Variants in EYS observed in about 807,000 individuals in gnomAD.
EYS encodes the protein EGF-like photoreceptor maintenance factor, also known as protein eyes shut homolog.
Under a neutral mutation model 282.1 loss-of-function variants are expected in EYS, and 250 were observed. The ratio of observed to expected loss-of-function variants is 0.89; its 90% CI spans 0.80 to 0.98. The LOEUF (loss-of-function observed/expected upper bound fraction) is 0.98. Among genes scored for constraint, EYS ranks in the 50% least tolerant of loss-of-function variants. The probability of loss-of-function intolerance (pLI) is 0.00; values close to 1 mark genes in which losing one functional copy is unlikely to be tolerated. For synonymous variants in EYS, 1,355 were observed against 1,282.9 expected, an observed-to-expected ratio of 1.06 and a Z score of -1.20; for missense variants, 4,016 against 3,709.0, an observed-to-expected ratio of 1.08 and a Z score of -2.15.
chr6:65,313,983 A>G (rs1043629702), intron 11 of EYS, among the ~76,000 whole-genome samples: 1 of 152,122 alleles, frequency 6.6e-6, no homozygotes, highest in African/African-American at 2.4e-5. Flanking sequence ...CTAAAATTTT[A>G]TCCACCACCC....
chr6:64,583,303 A>C (rs1766133232), intron 26 of EYS, among the ~76,000 whole-genome samples: 2 of 151,904 alleles, frequency 1.3e-5, no homozygotes, highest in South Asian at 4.1e-4. Context: ...AACATTATTC[A>C]AAAAAAACCC....
chr6:63,930,885 C>T (rs1210913074), intron 35 of EYS, among the ~76,000 whole-genome samples: 1 of 152,120 alleles, frequency 6.6e-6, no homozygotes, highest in South Asian at 2.1e-4. Flanking sequence ...TTGATTGAAC[C>T]CATAAACACC....
intron 2 of EYS, among the ~76,000 whole-genome samples, chr6:65,533,217 A>G (rs1320744205): frequency 1.3e-5 from 2 of 152,162 alleles, no homozygotes; most frequent in African/African-American, 4.8e-5. Flanking sequence ...TTATGGAAAT[A>G]AACTAGAAAA....
chr6:65,201,627 T>C (rs1327688893), intron 12 of EYS, among the ~76,000 whole-genome samples: 4 of 152,294 alleles, frequency 2.6e-5, no homozygotes, highest in Admixed American at 2.0e-4. Flanking sequence ...GTTCATTTAG[T>C]GTGAGCTATC....
chr6:64,521,719 A>T (rs971538870), intron 26 of EYS, among the ~76,000 whole-genome samples: 1 of 151,726 alleles, frequency 6.6e-6, no homozygotes, highest in Non-Finnish European at 1.5e-5. Flanking sequence ...GGCACTTCTT[A>T]TTTTGTCCCT....
intron 35 of EYS, among the ~76,000 whole-genome samples, chr6:63,963,983 T>C (rs970704147): frequency 4.6e-5 from 7 of 152,216 alleles, no homozygotes; most frequent in Non-Finnish European, 7.3e-5. Flanking sequence ...TTAATGTTTT[T>C]GTTACTCTGC....
At chr6:65,342,128 G>T (rs79213582) in intron 10 of EYS, among the ~76,000 whole-genome samples, 3,125 of 151,106 alleles carry the variant, frequency 0.021, 115 homozygotes, top group African/African-American at 0.073. Flanking sequence ...ACTGAGGTTT[G>T]CTCATTTATA....
chr6:63,854,386 T>C (rs1483983080), intron 36 of EYS, among the ~76,000 whole-genome samples: 1 of 152,140 alleles, frequency 6.6e-6, no homozygotes, highest in Admixed American at 6.6e-5. Flanking sequence ...TTCTCACTTA[T>C]AATTGGGAGT....
chr6:64,747,086 C>T (rs139138180), intron 22 of EYS, among the ~76,000 whole-genome samples: 1 of 152,256 alleles, frequency 6.6e-6, no homozygotes, highest in Non-Finnish European at 1.5e-5. Context: ...GGTAGAACAA[C>T]AGTTAGAGTA....
intron 31 of EYS, among the ~76,000 whole-genome samples, chr6:64,225,188 C>G (rs546180382): frequency 1.2e-4 from 19 of 152,080 alleles, no homozygotes; most frequent in Admixed American, 1.1e-3. Context: ...TCATTTACTT[C>G]CCTCAATTTG....
chr6:64,476,506 T>C (rs1479600972), intron 26 of EYS, among the ~76,000 whole-genome samples: 3 of 152,122 alleles, frequency 2.0e-5, no homozygotes, highest in Non-Finnish European at 2.9e-5. Context: ...CAGTTAACTC[T>C]GTTGCAGAGT....
intron 33 of EYS, among the ~76,000 whole-genome samples, chr6:64,018,925 C>A (rs955248382): frequency 6.6e-6 from 1 of 151,866 alleles, no homozygotes; most frequent in African/African-American, 2.4e-5. Context: ...CAGGCGCATG[C>A]CATCATGCCT....
In EYS at chr6:64,817,322, AAAT is replaced by A. The variant is rs547625966; in HGVS notation, c.3244-3748_3244-3746del. On this transcript the variant is annotated intron_variant, in intron 21 of 42. Transcript: ENST00000503581. ...TGTTCAAATAAATCTGGATACTTGA[AAAT>A]AATTTTCTGAATGCCAGAATCCACT... 9.5e-4 allele frequency among the ~76,000 whole-genome samples: 144 copies of A among 152,294 alleles called. 1 individual carries two copies. The highest frequency in any genetic ancestry group is 3.2e-3 in the African/African-American group (132 of 41,582).
At chr6:64,266,134 A>T (rs1767752490) in intron 30 of EYS, among the ~76,000 whole-genome samples, 2 of 152,036 alleles carry the variant, frequency 1.3e-5, no homozygotes, top group South Asian at 4.1e-4. Context: ...AGTTAATAAA[A>T]CTCTAAGACA....
At chr6:65,051,995 T>C (rs1002595184) in intron 13 of EYS, among the ~76,000 whole-genome samples, 1 of 151,560 alleles carries the variant, frequency 6.6e-6, no homozygotes, top group African/African-American at 2.4e-5. Flanking sequence ...GTAAGACACT[T>C]CCTCAATTTT....
At chr6:64,972,927 T>C (rs1345860096) in intron 14 of EYS, among the ~76,000 whole-genome samples, 2 of 152,086 alleles carry the variant, frequency 1.3e-5, no homozygotes, top group South Asian at 2.1e-4. Context: ...TCACCTCTAA[T>C]GTATATGAAT....
intron 31 of EYS, among the ~76,000 whole-genome samples, chr6:64,224,835 AT>A (rs34708103): frequency 0.31 from 46,648 of 150,418 alleles, 7,186 homozygotes; most frequent in East Asian, 0.5. Flanking sequence ...TTTGTGAATG[AT>A]TTTTTTTTTG....
At chr6:63,784,525 G>A (rs950044060) in intron 39 of EYS, among the ~76,000 whole-genome samples, 7 of 152,060 alleles carry the variant, frequency 4.6e-5, no homozygotes, top group African/African-American at 1.4e-4. Context: ...TGGCTGGGGA[G>A]GTCTCAGGAA....
intron 31 of EYS, among the ~76,000 whole-genome samples, chr6:64,191,308 T>C (rs143997912): frequency 1.3e-5 from 2 of 152,034 alleles, no homozygotes; most frequent in African/African-American, 4.8e-5. Context: ...AATAGCCTTA[T>C]TCTTTTTCAT....
Sources: gnomAD v4.1 joint callset for allele counts (sites outside exome capture counted in the v4.1 genomes callset) on GRCh38, gnomAD v4.1.1 for gene constraint, MANE v1.5 for transcripts, NCBI Gene and HGNC (gene_info 2026-07-23, HGNC 2026-07-21) for gene names.